LRIG1: variants seen among roughly 807,000 people sequenced by gnomAD.
LRIG1 encodes leucine-rich repeats and immunoglobulin-like domains protein 1.
Under a neutral mutation model 99.2 loss-of-function variants are expected in LRIG1, and 48 were observed. The observed-to-expected ratio is 0.48, with a 90% confidence interval of 0.38 to 0.62. The LOEUF (loss-of-function observed/expected upper bound fraction) is 0.62. Ranked by LOEUF, LRIG1 falls within the 20% of genes least tolerant of loss-of-function variation. LRIG1 has a pLI of 0.00. For synonymous variants in LRIG1, 772 were observed against 596.1 expected, an observed-to-expected ratio of 1.29 and a Z score of -4.30; for missense variants, 1,646 against 1,434.4, an observed-to-expected ratio of 1.15 and a Z score of -2.38.
intron 14 of LRIG1, 43 bp from the exon 15 acceptor site, chr3:66,383,444 C>T (rs369377183): frequency 8.7e-6 from 13 of 1,490,400 alleles, no homozygotes; most frequent in Middle Eastern, 1.8e-4. Flanking sequence ...TCAGGGCCTC[C>T]GTTGCTCTGG....
At chr3:66,439,839 C>T (rs1174493985) in intron 3 of LRIG1, among the ~76,000 whole-genome samples, 1 of 152,164 alleles carries the variant, frequency 6.6e-6, no homozygotes, top group African/African-American at 2.4e-5. Flanking sequence ...AACACCCTCA[C>T]CCGCGCACCA....
At chr3:66,501,058 C>T (rs1314622543), upstream of LRIG1, 1 of 152,462 alleles carries the variant, frequency 6.6e-6, no homozygotes, top group Non-Finnish European at 1.5e-5. Context: ...GGCCGGTCCC[C>T]CAAGCCCCGC....
At chr3:66,491,858 G>T (rs1253152261) in intron 1 of LRIG1, among the ~76,000 whole-genome samples, 1 of 152,164 alleles carries the variant, frequency 6.6e-6, no homozygotes, top group African/African-American at 2.4e-5. Context: ...CTGTCCACTT[G>T]TGTAGATATT....
At position 66,384,073 on chromosome 3, in the gene LRIG1, T is replaced by G. The variant is rs374471375; in HGVS notation, c.1989A>C (p.Lys663Asn). The change falls in exon 14 of 19, where the codon AAA becomes AAC. Residue 663 changes from lysine to asparagine, a missense_variant. Physicochemically the swap from Lys to Asn is moderately conservative, Grantham distance 94. Transcript: ENST00000273261. ...AGCTGTAAACCCCTGCGTCATCTATTTTCACATCAGTGATGAAAAACACGT... is the reference window on the plus strand; with the variant it reads ...AGCTGTAAACCCCTGCGTCATCTATGTTCACATCAGTGATGAAAAACACGT... ...DDDVFFITDVKIDDAGVYSCT... is the reference protein window; with the variant it reads ...DDDVFFITDVNIDDAGVYSCT... 8 of 1,614,022 alleles carry G rather than the reference T, an allele frequency of 5.0e-6. No homozygotes were observed. The African/African-American group carries it at 1.1e-4, about 22-fold the overall frequency.
chr3:66,430,517 T>G (rs964461351), intron 3 of LRIG1, among the ~76,000 whole-genome samples: 1 of 152,098 alleles, frequency 6.6e-6, no homozygotes, highest in African/African-American at 2.4e-5. Context: ...GAGGTCCCCA[T>G]CCACACGCCT....
chr3:66,457,757 G>GA (rs1700263358), intron 2 of LRIG1, among the ~76,000 whole-genome samples: 1 of 152,218 alleles, frequency 6.6e-6, no homozygotes, highest in Non-Finnish European at 1.5e-5. Flanking sequence ...CTACCAAAAT[G>GA]AGAGTTTTTC....
intron 3 of LRIG1, among the ~76,000 whole-genome samples, chr3:66,446,572 A>C (rs1703733601): frequency 1.3e-5 from 2 of 151,574 alleles, no homozygotes; most frequent in African/African-American, 4.8e-5. Flanking sequence ...CTCCTGGCTG[A>C]TTTTTGTATT....
intron 1 of LRIG1, among the ~76,000 whole-genome samples, chr3:66,493,164 T>C (rs1024991457): frequency 6.6e-6 from 1 of 152,198 alleles, no homozygotes; most frequent in Non-Finnish European, 1.5e-5. Flanking sequence ...CTTAACCCTG[T>C]TTGGAAGAGC....
intron 5 of LRIG1, among the ~76,000 whole-genome samples, chr3:66,414,430 T>G (rs1702561830): frequency 6.6e-6 from 1 of 151,522 alleles, no homozygotes; most frequent in Non-Finnish European, 1.5e-5. Flanking sequence ...ATAATAATAA[T>G]AATAAATCAA....
chr3:66,405,706 G>T, intron 8 of LRIG1: 1 of 1,102,356 alleles, frequency 9.1e-7, no homozygotes, highest in Non-Finnish European at 1.1e-6. Context: ...GAAAGCACAT[G>T]GAAGAAAGAG....
chr3:66,401,528 C>G (rs1224690625), intron 9 of LRIG1: 1 of 948,720 alleles, frequency 1.1e-6, no homozygotes, highest in South Asian at 2.0e-5. Flanking sequence ...TTAACGGTGA[C>G]AATAGCAATA....
chr3:66,394,981 T>C (rs997315103), intron 11 of LRIG1, among the ~76,000 whole-genome samples: 1 of 152,226 alleles, frequency 6.6e-6, no homozygotes, highest in Non-Finnish European at 1.5e-5. Context: ...TATTTTCTTT[T>C]TCATTTCTCA....
intron 3 of LRIG1, among the ~76,000 whole-genome samples, chr3:66,436,811 C>G (rs765361145): frequency 2.0e-5 from 3 of 151,018 alleles, no homozygotes; most frequent in Non-Finnish European, 4.4e-5. Context: ...ACCTCTCATG[C>G]TCCCAAAATC....
intron 1 of LRIG1, among the ~76,000 whole-genome samples, chr3:66,466,545 C>T (rs920228439): frequency 2.6e-5 from 4 of 152,122 alleles, no homozygotes; most frequent in Admixed American, 2.0e-4. Context: ...ACTGATAACA[C>T]GCATTTCTCA....
Position 66,383,334 on chromosome 3 carries a change from T to G in LRIG1, c.2139A>C (p.Gln713His). Residue 713 changes from glutamine to histidine, a missense_variant, in exon 15 of 19, where the codon CAA (glutamine) becomes CAC (histidine). Gln to His is a conservative substitution (Grantham distance 24). Transcript: ENST00000273261. ...GCGGAGGGTTCCCCGTGGCTTTGCA[T>G]TGGAGGGCCACTGTTTCTCCCACAG... Reference protein sequence around the residue: ...VVSVGETVALQCKATGNPPPR... With the variant: ...VVSVGETVALHCKATGNPPPR... The G allele has an allele frequency of 6.3e-7, 1 of 1,598,102 alleles. No homozygotes were observed. The highest frequency in any genetic ancestry group is 8.6e-7 in the Non-Finnish European group (1 of 1,168,050).
chr3:66,388,306 G>C (rs1306182369), intron 12 of LRIG1, among the ~76,000 whole-genome samples: 3 of 151,910 alleles, frequency 2.0e-5, no homozygotes, highest in Non-Finnish European at 4.4e-5. Context: ...AGTCAACTGA[G>C]ATTATGTAGT....
intron 2 of LRIG1, among the ~76,000 whole-genome samples, chr3:66,458,463 G>A (rs1440980527): frequency 6.6e-6 from 1 of 152,232 alleles, no homozygotes; most frequent in Admixed American, 6.5e-5. Context: ...AGCACACTGG[G>A]AGGCCAAGGC....
At chr3:66,450,990 T>C (rs565762595) in intron 3 of LRIG1, among the ~76,000 whole-genome samples, 5 of 152,366 alleles carry the variant, frequency 3.3e-5, no homozygotes, top group African/African-American at 1.2e-4. Context: ...ATATTCCCAA[T>C]GGGTGCCTTC....
chr3:66,453,167 G>A (rs1703962351), intron 2 of LRIG1, among the ~76,000 whole-genome samples: 1 of 152,144 alleles, frequency 6.6e-6, no homozygotes, highest in South Asian at 2.1e-4. Flanking sequence ...GAGACCCCCA[G>A]GTTTTATCAG....
Sources: gnomAD v4.1 joint callset for allele counts (sites outside exome capture counted in the v4.1 genomes callset) on GRCh38, gnomAD v4.1.1 for gene constraint, MANE v1.5 for transcripts, NCBI Gene and HGNC (gene_info 2026-07-23, HGNC 2026-07-21) for gene names.